Variants in S1PR3 observed in about 807,000 individuals in gnomAD.
S1PR3 encodes the protein sphingosine 1-phosphate receptor 3.
In S1PR3, 12 loss-of-function variants were observed where a neutral mutation model predicts 13.3. That is an observed-to-expected ratio of 0.90 (90% CI 0.58 to 1.46). S1PR3 has a LOEUF of 1.46. Among genes scored for constraint, S1PR3 ranks in the 40% most tolerant of loss-of-function variants. S1PR3 has a pLI of 0.00. For missense variants in S1PR3, 450 were observed against 501.9 expected, an observed-to-expected ratio of 0.90 and a Z score of 0.99; for synonymous variants, 232 against 214.0, an observed-to-expected ratio of 1.08 and a Z score of -0.73.
chr9:89,004,960 A>G lies in S1PR3; in HGVS notation c.*2623A>G, dbSNP rs954834331. ...TAGAAACCTTTACTATTTCCAATGT[A>G]TGTTTGTTAAAAATAATAATAATAA... On this transcript the variant is annotated 3_prime_UTR_variant, in exon 2 of 2. Transcript: ENST00000358157. 3 of 167,020 alleles carry G rather than the reference A, an allele frequency of 1.8e-5. No individual in the cohort carries two copies. Among genetic ancestry groups the G allele is most frequent in the African/African-American group, 7.2e-5 (3 of 41,450 alleles). 10.3% of individuals were successfully genotyped at this position (167,020 alleles called of 1,614,324 possible).
At chr9:88,994,607 A>G (rs1434131084) in intron 1 of S1PR3, 1 of 166,142 alleles carries the variant, frequency 6.0e-6, no homozygotes, top group Non-Finnish European at 1.5e-5. Flanking sequence ...CTTCCCACAC[A>G]CAAGTCTGGA....
At position 89,001,532 on chromosome 9, in the gene S1PR3, G is replaced by A. The variant is rs1825867269; in HGVS notation, c.332G>A (p.Trp111Ter). The change falls in exon 2 of 2, where the codon TGG becomes TAG. Residue 111 changes from tryptophan (W) to a stop codon, truncating the protein, a stop_gained. Transcript: ENST00000358157. LOFTEE classifies it high-confidence loss of function. ...ACGTTCAGCCTGTCTCCCACGGTCT[G>A]GTTCCTCAGGGAGGGCAGTATGTTC... ...KKTFSLSPTV[W>*]FLREGSMFVA... 3 of 1,614,126 alleles carry A rather than the reference G, an allele frequency of 1.9e-6. No individual in the cohort carries two copies. The Admixed American group carries it at 5.0e-5, about 27-fold the overall frequency.
chr9:89,000,915 AG>A, intron 1 of S1PR3, 138 bp from the exon 2 acceptor site: 1 of 465,162 alleles, frequency 2.1e-6, no homozygotes, highest in Non-Finnish European at 3.9e-6. Context: ...CTGTGTCTAA[AG>A]ACCCTCTCTG....
At chr9:88,991,113 G>T (rs763522209), upstream of S1PR3, 6 of 1,612,966 alleles carry the variant, frequency 3.7e-6, no homozygotes, top group South Asian at 6.6e-5. The surrounding 1 kb of genome is among the most constrained non-coding windows in gnomAD (Gnocchi z 4.0). Context: ...CTCGGACCTG[G>T]TTCCAAGCCT....
chr9:88,990,886 G>A (rs1450744617), upstream of S1PR3: 11 of 1,357,126 alleles, frequency 8.1e-6, no homozygotes, highest in African/African-American at 1.5e-5. Context: ...GGACCAGGCA[G>A]GCGCCGGAGG....
rs552140472 is a variant in S1PR3 at position 89,002,757 on chromosome 9, C to T, written c.*420C>T. 9.5e-5 allele frequency: 21 copies of T among 220,028 alleles called. No homozygotes were observed. The highest frequency in any genetic ancestry group is 4.5e-4 in the African/African-American group (20 of 44,318). The allele number at this position is 220,028 out of a possible 1,614,324, so 13.6% of individuals were successfully genotyped here. ...TATATTCGTACATCTCTATGTTACA[C>T]AGAATTTGTGTTGCAGGTGTTTGCC... is the stretch of plus-strand genomic sequence containing the variant. On this transcript the variant is annotated 3_prime_UTR_variant, in exon 2 of 2. Coordinates refer to ENST00000358157, the MANE Select transcript of S1PR3 (RefSeq NM_005226.4).
chr9:88,998,235 GGGA>G (rs1378840802), intron 1 of S1PR3: 1 of 152,320 alleles, frequency 6.6e-6, no homozygotes, highest in African/African-American at 2.4e-5. Flanking sequence ...CCAGCACTTT[GGGA>G]GGCCAAGGCA....
chr9:89,001,230 G>A lies in S1PR3; in HGVS notation c.30G>A (p.Gln10=), dbSNP rs992109008. The A allele has an allele frequency of 5.6e-6, 9 of 1,613,354 alleles. No individual in the cohort carries two copies. In the African/African-American group the frequency reaches 1.2e-4, roughly 22 times the overall value. ...CAACTGCCCTCCCGCCGCGTCTCCAGCCGGTGCGGGGGAACGAGACCCTGC... is the reference window on the plus strand; with the variant it reads ...CAACTGCCCTCCCGCCGCGTCTCCAACCGGTGCGGGGGAACGAGACCCTGC... MATALPPRL[Q]PVRGNETLRE... The change falls in exon 2 of 2, where the codon CAG becomes CAA. Residue 10 remains glutamine (Q), a synonymous_variant. Coordinates refer to ENST00000358157, the MANE Select transcript of S1PR3 (RefSeq NM_005226.4).
In S1PR3 at chr9:88,991,919, GAATACCTGGATGAA is replaced by G. The variant is rs1335416520; in HGVS notation, c.-148+226_-148+239del. The G allele has an allele frequency of 6.2e-7, 1 of 1,614,102 alleles. No individual in the cohort carries two copies. The highest frequency in any genetic ancestry group is 1.3e-5 in the African/African-American group (1 of 74,942). On this transcript the variant is annotated intron_variant, in intron 1 of 1. Coordinates refer to ENST00000358157, the MANE Select transcript of S1PR3 (RefSeq NM_005226.4). The surrounding 1 kb of genome is among the most constrained non-coding windows in gnomAD (Gnocchi z 4.0). Reference sequence around the variant, plus strand: ...GGAGCGTTTACAACGGGCTGGAGCTGAATACCTGGATGAAAGTGGAGAGGCTGTTCGTGGAGAAG... The same window carrying G: ...GGAGCGTTTACAACGGGCTGGAGCTGAGTGGAGAGGCTGTTCGTGGAGAAG...
Position 89,002,265 on chromosome 9 carries a change from G to A in S1PR3, c.1065G>A (p.Leu355=), listed in dbSNP as rs1281799967. 2 of 1,614,008 alleles carry A rather than the reference G, an allele frequency of 1.2e-6. No individual in the cohort carries two copies. The highest frequency in any genetic ancestry group is 1.7e-6 in the Non-Finnish European group (2 of 1,180,024). ...ACTCTCCGAAGGTCAAGGAAGACCT[G>A]CCCCACACAGCCCCCTCATCCTGCA... ...SSHSPKVKED[L]PHTAPSSCIM... The change falls in exon 2 of 2, where the codon CTG becomes CTA. Residue 355 remains leucine (L), a synonymous_variant. Coordinates refer to ENST00000358157, the MANE Select transcript of S1PR3 (RefSeq NM_005226.4).
At chr9:88,998,782 A>T (rs1825835250) in intron 1 of S1PR3, 1 of 152,214 alleles carries the variant, frequency 6.6e-6, no homozygotes, top group African/African-American at 2.4e-5. Flanking sequence ...GGCTTGAAGG[A>T]TGGGCAAGAT....
chr9:88,991,383 A>C, upstream of S1PR3: 1 of 334,346 alleles, frequency 3.0e-6, no homozygotes, highest in Non-Finnish European at 4.4e-6. The surrounding 1 kb of genome is among the most constrained non-coding windows in gnomAD (Gnocchi z 4.0). Context: ...GAGGGGCGGG[A>C]GTCGGGGGCG....
upstream of S1PR3, chr9:88,991,453 C>T (rs1825699563): frequency 2.6e-6 from 4 of 1,545,934 alleles, no homozygotes; most frequent in Middle Eastern, 1.8e-4. This position sits in a 1 kb window ranked among gnomAD's most constrained non-coding sequence, Gnocchi z 4.0. Context: ...AGTTTAGTCT[C>T]TGACTCGCTC....
At chr9:88,991,459 CG>C, upstream of S1PR3, 1 of 1,546,438 alleles carries the variant, frequency 6.5e-7, no homozygotes, top group South Asian at 1.2e-5. The surrounding 1 kb of genome is among the most constrained non-coding windows in gnomAD (Gnocchi z 4.0). Context: ...GTCTCTGACT[CG>C]CTCGGGCAGA....
Position 89,001,840 on chromosome 9 carries a change from C to T in S1PR3, c.640C>T (p.Leu214Phe). Reference sequence around the variant, plus strand: ...GGCCATCCTGGTGACCATCGTGATCCTCTACGCACGCATCTACTTCCTGGT... The same window carrying T: ...GGCCATCCTGGTGACCATCGTGATCTTCTACGCACGCATCTACTTCCTGGT... Reference protein sequence around the residue: ...FTAILVTIVILYARIYFLVKS... With the variant: ...FTAILVTIVIFYARIYFLVKS... The change falls in exon 2 of 2, where the codon CTC becomes TTC. Residue 214 changes from leucine (L) to phenylalanine (F), a missense_variant. Transcript: ENST00000358157. The T allele has an allele frequency of 6.2e-7, 1 of 1,614,258 alleles. No individual in the cohort carries two copies. The highest frequency in any genetic ancestry group is 8.5e-7 in the Non-Finnish European group (1 of 1,180,050).
intron 1 of S1PR3, chr9:88,992,976 A>T (rs1324953342): frequency 6.6e-6 from 1 of 152,638 alleles, no homozygotes; most frequent in Non-Finnish European, 1.5e-5. Flanking sequence ...CCATCACCTA[A>T]CACCAGAGAT....
At position 89,003,587 on chromosome 9, in the gene S1PR3, T is replaced by C. The variant is rs1196086194; in HGVS notation, c.*1250T>C. The C allele has an allele frequency of 6.0e-6, 1 of 167,090 alleles. No individual in the cohort carries two copies. The highest frequency in any genetic ancestry group is 1.5e-5 in the Non-Finnish European group (1 of 68,116). The allele number at this position is 167,090 out of a possible 1,614,324, so 10.4% of individuals were successfully genotyped here. ...TAAAGGGATTACTTAGAAGACATTT[T>C]TGTACATGCTCTTCCCCAAGGATTG... On this transcript the variant is annotated 3_prime_UTR_variant, in exon 2 of 2. Coordinates refer to ENST00000358157, the MANE Select transcript of S1PR3 (RefSeq NM_005226.4).
At position 89,002,065 on chromosome 9, in the gene S1PR3, C is replaced by T. The variant is rs1438147137; in HGVS notation, c.865C>T (p.Leu289Phe). ...TCAGTGGTTCATCGTGTTGGCTGTG[C>T]TCAACTCCGCCATGAACCCGGTCAT... The part of the protein sequence containing the change: ...KAQWFIVLAV[L>F]NSAMNPVIYT... The change falls in exon 2 of 2, where the codon CTC becomes TTC. Residue 289 changes from leucine (L) to phenylalanine (F), a missense_variant. Physicochemically the swap from Leu to Phe is conservative, Grantham distance 22. Transcript: ENST00000358157. 4.3e-6 allele frequency: 7 copies of T among 1,613,810 alleles called. No individual in the cohort carries two copies. Among genetic ancestry groups the T allele is most frequent in the African/African-American group, 1.3e-5 (1 of 74,930 alleles).
At position 89,004,388 on chromosome 9, in the gene S1PR3, C is replaced by T. The variant is rs1269985812; in HGVS notation, c.*2051C>T. ...CACTCCAGCCTGGGTGACAGAGCGA[C>T]CCTCTGTCTCAAAAAATAATAATAA... On this transcript the variant is annotated 3_prime_UTR_variant, in exon 2 of 2. Coordinates refer to ENST00000358157, the MANE Select transcript of S1PR3 (RefSeq NM_005226.4). The T allele has an allele frequency of 6.4e-6, 1 of 156,806 alleles. No individual in the cohort carries two copies. The allele number at this position is 156,806 out of a possible 1,614,324, so 9.7% of individuals were successfully genotyped here. A position where few individuals can be genotyped will look rare whatever the true frequency, so the allele number is the denominator to read the frequency against.
Sources: allele counts gnomAD v4.1 joint callset, GRCh38; gene constraint gnomAD v4.1.1; non-coding constraint Gnocchi (gnomAD v3.1); transcripts MANE v1.5; gene names NCBI Gene and HGNC (gene_info 2026-07-23, HGNC 2026-07-21).